VPS13B: variants seen among roughly 807,000 people sequenced by gnomAD.
VPS13B encodes vacuolar protein sorting 13 homolog B.
VPS13B carries 285 observed loss-of-function variants against 426.4 expected under a neutral mutation model. The observed-to-expected ratio is 0.67, with a 90% CI of 0.61 to 0.74. The LOEUF is 0.74. VPS13B is among the 30% of genes least tolerant of loss of function. VPS13B has a pLI of 0.00. For missense variants in VPS13B, 4,537 were observed against 4,782.6 expected (o/e 0.95, Z 1.51); for synonymous variants, 1,676 against 1,676.4 (o/e 1.00, Z 0.01).
rs563193517 is a variant in VPS13B at position 99,641,674 on chromosome 8, A to T, written c.5221-137A>T. The T allele has an allele frequency of 1.3e-5, 11 of 822,200 alleles. No homozygotes were observed. The South Asian group carries it at 2.4e-4, about 18-fold the overall frequency. The allele number at this position is 822,200 out of a possible 1,614,324, so 50.9% of individuals were successfully genotyped here. ...GGTGTAGAAAATGGGCACCTATTCT[A>T]TTTTTCTGATTACTGTTTTAAGTTA... On this transcript the variant is annotated intron_variant, in intron 33 of 61. Transcript: ENST00000357162.
At chr8:99,699,131 CTTT>C (rs370004663) in intron 35 of VPS13B, among the ~76,000 whole-genome samples, 1 of 90,552 alleles carries the variant, frequency 1.1e-5, no homozygotes. Flanking sequence ...TAAGGAAAGT[CTTT>C]TTTTTTTTTT....
At position 99,665,873 on chromosome 8, in the gene VPS13B, G is replaced by C. The variant is rs531735013; in HGVS notation, c.6046+4382G>C. ...CTGTGAGGAAAGTCATTGGTAGCTT[G>C]ATGGGGATGGCATTAAATCTATAAA... is the stretch of plus-strand genomic sequence containing the variant. On this transcript the variant is annotated intron_variant, in intron 35 of 61. Transcript: ENST00000357162. 3.4e-4 allele frequency among the ~76,000 whole-genome samples: 52 copies of C among 152,292 alleles called. No homozygotes were observed. In the East Asian group the frequency reaches 8.7e-3, roughly 25 times the overall value.
chr8:99,309,680 C>T (rs1242611271), intron 19 of VPS13B, among the ~76,000 whole-genome samples: 1 of 152,036 alleles, frequency 6.6e-6, no homozygotes, highest in African/African-American at 2.4e-5. Context: ...TTTTTGGTAC[C>T]ATATGAACTT....
Position 99,111,056 on chromosome 8 carries a change from C to G in VPS13B, c.581-42C>G, listed in dbSNP as rs143476147. ...ATAAATAATAGTTGCCTTTCCCCTG[C>G]TAATTTTCCTTTTTACTTAAAATGT... On this transcript the variant is annotated intron_variant, in intron 5 of 61. Transcript: ENST00000357162. 6.1e-5 allele frequency: 93 copies of G among 1,535,324 alleles called. No individual in the cohort carries two copies. In the African/African-American group the frequency reaches 1.2e-3, roughly 20 times the overall value.
intron 17 of VPS13B, among the ~76,000 whole-genome samples, chr8:99,231,455 T>C (rs1416904221): frequency 6.6e-6 from 1 of 152,194 alleles, no homozygotes; most frequent in Non-Finnish European, 1.5e-5. Context: ...CTATTAAAAT[T>C]CACGGCATCT....
intron 19 of VPS13B, among the ~76,000 whole-genome samples, chr8:99,299,963 T>G (rs1820270815): frequency 6.6e-6 from 1 of 152,156 alleles, no homozygotes. Context: ...CTGAGTAGCT[T>G]GCCTTGTTGT....
At chr8:99,087,549 C>T (rs1845894583) in intron 3 of VPS13B, among the ~76,000 whole-genome samples, 3 of 151,846 alleles carry the variant, frequency 2.0e-5, no homozygotes, top group Non-Finnish European at 2.9e-5. Context: ...CTGCATCGCT[C>T]ATGTTGGGAG....
At chr8:99,525,229 A>G (rs541894517) in intron 30 of VPS13B, among the ~76,000 whole-genome samples, 19 of 151,192 alleles carry the variant, frequency 1.3e-4, no homozygotes, top group African/African-American at 3.6e-4. Context: ...ATACTTAGAC[A>G]GTACAATAAG....
intron 61 of VPS13B, among the ~76,000 whole-genome samples, chr8:99,872,051 T>C (rs2130977753): frequency 6.6e-6 from 1 of 151,810 alleles, no homozygotes; most frequent in South Asian, 2.1e-4. Flanking sequence ...ACAAAACGAG[T>C]GGGTTGGTTC....
At chr8:99,291,607 G>C (rs1819737849) in intron 19 of VPS13B, among the ~76,000 whole-genome samples, 1 of 152,008 alleles carries the variant, frequency 6.6e-6, no homozygotes. Context: ...ATTCTAATTT[G>C]ACTTTCACAA....
chr8:99,432,367 A>G (rs1312903535), intron 22 of VPS13B, among the ~76,000 whole-genome samples: 4 of 152,276 alleles, frequency 2.6e-5, no homozygotes, highest in South Asian at 2.1e-4. Context: ...AAAAGTTGCA[A>G]TAGAACCTTG....
At chr8:99,270,129 A>ATT (rs1370378172) in intron 17 of VPS13B, among the ~76,000 whole-genome samples, 1 of 16,824 alleles carries the variant, frequency 5.9e-5, no homozygotes, top group Non-Finnish European at 1.5e-4. Flanking sequence ...AGATATAAGA[A>ATT]TCTTTTTTTT....
chr8:99,764,104 T>G (rs1228562466), intron 39 of VPS13B, among the ~76,000 whole-genome samples: 1 of 152,162 alleles, frequency 6.6e-6, no homozygotes, highest in African/African-American at 2.4e-5. Flanking sequence ...CTAGTAATAT[T>G]TTTTTAAATA....
chr8:99,854,397 G>A, intron 56 of VPS13B, 141 bp downstream of exon 56: 1 of 1,000,506 alleles, frequency 1.0e-6, no homozygotes, highest in African/African-American at 1.6e-5. Context: ...CACAGAACTG[G>A]ATCTAAATCT....
intron 42 of VPS13B, among the ~76,000 whole-genome samples, chr8:99,779,923 C>T (rs1178164635): frequency 6.6e-6 from 1 of 152,130 alleles, no homozygotes; most frequent in Non-Finnish European, 1.5e-5. Flanking sequence ...CCACTGACCT[C>T]CTTTTGGGAT....
chr8:99,119,622 TTTAG>T (rs561434094), intron 7 of VPS13B, among the ~76,000 whole-genome samples: 73 of 152,280 alleles, frequency 4.8e-4, no homozygotes, highest in African/African-American at 1.7e-3. Context: ...GTACTGTTAT[TTTAG>T]TTACTCTAGT....
At chr8:99,553,151 C>T (rs1221418330) in intron 30 of VPS13B, among the ~76,000 whole-genome samples, 2 of 152,112 alleles carry the variant, frequency 1.3e-5, no homozygotes, top group Admixed American at 6.6e-5. Flanking sequence ...TAGCAGAAAA[C>T]CTTAGAGTAA....
chr8:99,570,341 T>A (rs922026329), intron 31 of VPS13B, among the ~76,000 whole-genome samples: 1 of 152,136 alleles, frequency 6.6e-6, no homozygotes, highest in African/African-American at 2.4e-5. Context: ...GTTGGACTCA[T>A]CTCTCCATGT....
At chr8:99,457,933 T>TAC (rs1429992471) in intron 23 of VPS13B, among the ~76,000 whole-genome samples, 1 of 152,224 alleles carries the variant, frequency 6.6e-6, no homozygotes, top group African/African-American at 2.4e-5. Flanking sequence ...TTTATATATA[T>TAC]ACTTTAAGTT....
Sources: gnomAD v4.1 joint callset for allele counts (sites outside exome capture counted in the v4.1 genomes callset) on GRCh38, gnomAD v4.1.1 for gene constraint, MANE v1.5 for transcripts, NCBI Gene and HGNC (gene_info 2026-07-23, HGNC 2026-07-21) for gene names.